PUM2: variants seen among roughly 807,000 people sequenced by gnomAD.
PUM2 encodes the protein pumilio RNA binding family member 2, also known as pumilio homolog 2.
PUM2 carries 57 observed loss-of-function variants against 124.5 expected under a neutral mutation model. The observed-to-expected ratio is 0.46, with a 90% CI of 0.37 to 0.57. The LOEUF (loss-of-function observed/expected upper bound fraction) is 0.57, where lower values mean the gene tolerates loss of function less well. PUM2 is among the 20% of genes least tolerant of loss of function. PUM2 has a pLI of 0.00. For missense variants in PUM2, 1,065 were observed against 1,290.6 expected (o/e 0.83, Z 2.68); for synonymous variants, 460 against 446.1 (o/e 1.03, Z -0.39).
chr2:20,274,994 G>C (rs927670677), intron 13 of PUM2, among the ~76,000 whole-genome samples: 2 of 42,210 alleles, frequency 4.7e-5, no homozygotes, highest in African/African-American at 7.9e-5. Context: ...TTCTATCCTA[G>C]ACAATGATGT....
At chr2:20,342,082 T>C (rs1211512466) in intron 1 of PUM2, among the ~76,000 whole-genome samples, 4 of 149,766 alleles carry the variant, frequency 2.7e-5, no homozygotes, top group Non-Finnish European at 3.0e-5. Context: ...GGAGCGGAGA[T>C]TGCGCCACTA....
At chr2:20,336,795 T>C (rs1558676401) in intron 1 of PUM2, among the ~76,000 whole-genome samples, 1 of 106,954 alleles carries the variant, frequency 9.3e-6, no homozygotes, top group Admixed American at 1.0e-4. Context: ...TGTGTGTGTG[T>C]GTGTGTGGTA....
chr2:20,257,043 CAAAAAAAAAAAA>C (rs58072146), intron 16 of PUM2, among the ~76,000 whole-genome samples: 904 of 71,852 alleles, frequency 0.013, 16 homozygotes, highest in Non-Finnish European at 0.016. Flanking sequence ...GATTCCGTCT[CAAAAAAAAAAAA>C]AAAAAAAAAA....
chr2:20,249,325 G>A lies in PUM2; in HGVS notation c.*2260C>T, dbSNP rs562618711. On this transcript the variant is annotated 3_prime_UTR_variant, in exon 21 of 21. Transcript: ENST00000361078. ...GATACTGAGAACAAAAGTTCGATAC[G>A]GGCCGAAATACTCTGAGGTTGGTAA... 3 of 152,544 alleles carry A rather than the reference G, an allele frequency of 2.0e-5. No individual in the cohort carries two copies. Among genetic ancestry groups the A allele is most frequent in the East Asian group, 3.9e-4 (2 of 5,192 alleles). 9.4% of individuals were successfully genotyped at this position (152,544 alleles called of 1,614,324 possible).
chr2:20,340,302 C>T (rs1158521532), intron 1 of PUM2, among the ~76,000 whole-genome samples: 1 of 152,196 alleles, frequency 6.6e-6, no homozygotes. Flanking sequence ...GGACTAATCA[C>T]AAAAGAAAGC....
At chr2:20,293,758 T>TA (rs1391685982) in intron 9 of PUM2, among the ~76,000 whole-genome samples, 1 of 151,916 alleles carries the variant, frequency 6.6e-6, no homozygotes, top group Non-Finnish European at 1.5e-5. Flanking sequence ...AAATTCAGAA[T>TA]AAAGTTTAAC....
intron 10 of PUM2, among the ~76,000 whole-genome samples, chr2:20,286,231 G>A (rs914473497): frequency 9.9e-5 from 15 of 152,188 alleles, no homozygotes; most frequent in South Asian, 6.2e-4. Flanking sequence ...GATGTGAGAA[G>A]CCAGATGGAA....
At chr2:20,267,566 T>C (rs1430977684) in intron 13 of PUM2, among the ~76,000 whole-genome samples, 1 of 152,252 alleles carries the variant, frequency 6.6e-6, no homozygotes, top group Admixed American at 6.5e-5. Flanking sequence ...AGCAGCTATG[T>C]TCTGCACCAA....
chr2:20,347,478 G>A (rs568178224), intron 1 of PUM2, among the ~76,000 whole-genome samples: 2 of 152,180 alleles, frequency 1.3e-5, no homozygotes, highest in Admixed American at 6.5e-5. Context: ...TCTATACAGC[G>A]TTTCACTCAC....
chr2:20,307,395 A>G (rs1237478301), intron 7 of PUM2, among the ~76,000 whole-genome samples: 1 of 152,140 alleles, frequency 6.6e-6, no homozygotes, highest in Admixed American at 6.6e-5. Context: ...ACAAATCTAC[A>G]CCTGATAAAA....
chr2:20,326,590 T>C (rs1683731991), intron 2 of PUM2, among the ~76,000 whole-genome samples: 1 of 152,246 alleles, frequency 6.6e-6, no homozygotes, highest in African/African-American at 2.4e-5. Context: ...GTTCTCTAAG[T>C]ATTCATTAGC....
chr2:20,343,802 G>A (rs374913979), intron 1 of PUM2, among the ~76,000 whole-genome samples: 7 of 152,136 alleles, frequency 4.6e-5, no homozygotes, highest in Admixed American at 1.3e-4. Context: ...GATGTTGTGC[G>A]CCTGTAATGC....
chr2:20,278,705 C>T lies in PUM2; in HGVS notation c.1835G>A (p.Ser612Asn). ...LAPIGQPFYN[S>N]LGFSSSPSPI... Reference sequence around the variant, plus strand: ...ACTTGGAGAGGAGGAAAATCCCAGACTATTGTAAAATGGTTGCCCTATGGG... The same window carrying T: ...ACTTGGAGAGGAGGAAAATCCCAGATTATTGTAAAATGGTTGCCCTATGGG... The change falls in exon 13 of 21, where the codon AGT becomes AAT. Residue 612 changes from serine to asparagine, a missense_variant. By Grantham distance (46) the Ser-to-Asn change is conservative (BLOSUM62 1). Transcript: ENST00000361078. 1 of 1,613,448 alleles carries T rather than the reference C, an allele frequency of 6.2e-7. No homozygotes were observed. Among genetic ancestry groups the T allele is most frequent in the Non-Finnish European group, 8.5e-7 (1 of 1,179,692 alleles).
At chr2:20,311,380 A>C in intron 5 of PUM2, 114 bp downstream of exon 5, 1 of 1,223,250 alleles carries the variant, frequency 8.2e-7, no homozygotes, top group Non-Finnish European at 1.1e-6. Context: ...AGATTAACAC[A>C]AAGTTCAAAG....
chr2:20,273,251 A>T (rs1669452478), intron 13 of PUM2, among the ~76,000 whole-genome samples: 1 of 152,210 alleles, frequency 6.6e-6, no homozygotes, highest in South Asian at 2.1e-4. Context: ...CCAGGCATTT[A>T]ATGCCAATAG....
rs546687953 is a variant in PUM2, at chr2:20,255,412, T to C, written c.2623-71A>G. On this transcript the variant is annotated intron_variant, in intron 17 of 20. Transcript: ENST00000361078. ...TGAACAGTTCTATGAAGCAGACTGG[T>C]TTGTTTTTTTTTTTTTTGACAACAC... The C allele has an allele frequency of 3.9e-4, 571 of 1,445,650 alleles. 6 individuals carry two copies. In the South Asian group the frequency reaches 6.9e-3, roughly 18 times the overall value. The allele number at this position is 1,445,650 out of a possible 1,614,324, so 89.6% of individuals were successfully genotyped here. A position where few individuals can be genotyped will look rare whatever the true frequency, so the allele number is the denominator to read the frequency against.
intron 13 of PUM2, among the ~76,000 whole-genome samples, chr2:20,273,922 A>G (rs944368126): frequency 1.3e-5 from 2 of 152,226 alleles, no homozygotes; most frequent in Non-Finnish European, 2.9e-5. Flanking sequence ...AACCAAAGAA[A>G]AGCATAACTT....
intron 13 of PUM2, among the ~76,000 whole-genome samples, chr2:20,276,376 C>CAA (rs1670273022): frequency 6.6e-6 from 1 of 151,386 alleles, no homozygotes; most frequent in South Asian, 2.1e-4. Flanking sequence ...TCAAGCCTTA[C>CAA]AGGTAACTGT....
intron 13 of PUM2, among the ~76,000 whole-genome samples, chr2:20,269,494 T>TA (rs968217510): frequency 9.9e-5 from 15 of 152,118 alleles, no homozygotes; most frequent in Non-Finnish European, 2.2e-4. Flanking sequence ...AGAATGCTTA[T>TA]AATAACTATA....
Sources: gnomAD v4.1 joint callset for allele counts (sites outside exome capture counted in the v4.1 genomes callset) on GRCh38, gnomAD v4.1.1 for gene constraint, MANE v1.5 for transcripts, NCBI Gene and HGNC (gene_info 2026-07-23, HGNC 2026-07-21) for gene names.